NUSAP1: variants seen among roughly 807,000 people sequenced by gnomAD.
NUSAP1 encodes nucleolar and spindle-associated protein 1.
NUSAP1 carries 32 observed loss-of-function variants against 52.8 expected under a neutral mutation model. The ratio of observed to expected loss-of-function variants is 0.61; its 90% CI spans 0.46 to 0.81. The LOEUF (loss-of-function observed/expected upper bound fraction) is 0.81, where lower values mean the gene tolerates loss of function less well. NUSAP1 is among the 40% of genes least tolerant of loss of function. NUSAP1 has a pLI of 0.00. For missense variants in NUSAP1, 499 were observed against 522.3 expected, an observed-to-expected ratio of 0.96 and a Z score of 0.43; for synonymous variants, 195 against 183.1, an observed-to-expected ratio of 1.06 and a Z score of -0.52.
intron 1 of NUSAP1, among the ~76,000 whole-genome samples, chr15:41,335,299 TAA>T (rs1471843907): frequency 6.9e-6 from 1 of 145,620 alleles, no homozygotes; most frequent in Non-Finnish European, 1.5e-5. Context: ...TATAAATATA[TAA>T]TATATATACT....
intron 7 of NUSAP1, among the ~76,000 whole-genome samples, chr15:41,370,077 GAAGA>G (rs1298287695): frequency 2.0e-5 from 3 of 148,712 alleles, no homozygotes; most frequent in African/African-American, 5.0e-5. Flanking sequence ...TCCAAAAAAA[GAAGA>G]AAGAAAGAAA....
At chr15:41,335,172 T>G (rs1274167774) in intron 1 of NUSAP1, among the ~76,000 whole-genome samples, 1 of 150,826 alleles carries the variant, frequency 6.6e-6, no homozygotes, top group African/African-American at 2.4e-5. Flanking sequence ...TTATCAAGAT[T>G]TGATTAAAAT....
At chr15:41,378,497 T>C (rs2140884662) in intron 10 of NUSAP1, among the ~76,000 whole-genome samples, 1 of 152,244 alleles carries the variant, frequency 6.6e-6, no homozygotes, top group African/African-American at 2.4e-5. Context: ...CTCACCGTTA[T>C]TAAGTTGGCC....
At chr15:41,359,532 A>G (rs2049088840) in intron 6 of NUSAP1, among the ~76,000 whole-genome samples, 1 of 152,198 alleles carries the variant, frequency 6.6e-6, no homozygotes, top group African/African-American at 2.4e-5. Flanking sequence ...AATTGTAAAT[A>G]ATTTAAGTAC....
Position 41,356,165 on chromosome 15 carries a change from A to AT in NUSAP1, c.550+26dup, listed in dbSNP as rs1567055890. ...AGTAAGTTTTGTAGACAAAGCCATA[A>AT]TAAGTAATGGTTGCCCCACTTCGGA... is the stretch of plus-strand genomic sequence containing the variant. On this transcript the variant is annotated intron_variant, in intron 5 of 10. Transcript: ENST00000559596. 5 of 1,335,734 alleles carry AT rather than the reference A, an allele frequency of 3.7e-6. No homozygotes were observed. The Admixed American group carries it at 5.5e-5, about 15-fold the overall frequency. The allele number at this position is 1,335,734 out of a possible 1,614,324, so 82.7% of individuals were successfully genotyped here.
At position 41,365,398 on chromosome 15, in the gene NUSAP1, TCAG is replaced by T; in HGVS notation, c.665_667del. 1 of 1,598,492 alleles carries T rather than the reference TCAG, an allele frequency of 6.3e-7. No individual in the cohort carries two copies. Among genetic ancestry groups the T allele is most frequent in the Non-Finnish European group, 8.5e-7 (1 of 1,170,318 alleles). On this transcript the variant is annotated splice_acceptor_variant and splice_polypyrimidine_tract_variant and intron_variant, in intron 6 of 10. Transcript: ENST00000559596. LOFTEE classifies it high-confidence loss of function. ...GCTTTTAAAATGATGCATTTTCTCT[TCAG>T]CAGCAGCCCATCAATAAGGGAGGGG...
intron 4 of NUSAP1, among the ~76,000 whole-genome samples, chr15:41,354,835 G>A (rs1595560588): frequency 6.6e-6 from 1 of 151,040 alleles, no homozygotes; most frequent in African/African-American, 2.4e-5. Context: ...TGGCTAACAC[G>A]GTGAAACCCT....
At chr15:41,361,119 C>A (rs1012445149) in intron 6 of NUSAP1, among the ~76,000 whole-genome samples, 1 of 149,788 alleles carries the variant, frequency 6.7e-6, no homozygotes, top group Admixed American at 6.7e-5. Flanking sequence ...TAGGCCAGGG[C>A]GTGGTGGCTC....
chr15:41,355,781 A>G (rs1403156445), intron 4 of NUSAP1, among the ~76,000 whole-genome samples: 1 of 151,454 alleles, frequency 6.6e-6, no homozygotes, highest in African/African-American at 2.4e-5. Context: ...GGTTCACACC[A>G]TTCTCCTGCC....
intron 10 of NUSAP1, among the ~76,000 whole-genome samples, chr15:41,379,576 A>C (rs183682013): frequency 9.4e-4 from 143 of 152,134 alleles, no homozygotes; most frequent in African/African-American, 3.4e-3. Flanking sequence ...AGACAGTCTC[A>C]TTCTGTCGCC....
chr15:41,354,872 T>A (rs1012020722), intron 4 of NUSAP1, among the ~76,000 whole-genome samples: 2 of 150,682 alleles, frequency 1.3e-5, no homozygotes, highest in Non-Finnish European at 3.0e-5. Context: ...CAAAAAAAAT[T>A]AGCCGGGTGT....
Position 41,365,447 on chromosome 15 carries a change from A to C in NUSAP1, c.706A>C (p.Arg236=). 1 of 1,613,130 alleles carries C rather than the reference A, an allele frequency of 6.2e-7. No individual in the cohort carries two copies. The highest frequency in any genetic ancestry group is 8.5e-7 in the Non-Finnish European group (1 of 1,179,498). Residue 236 remains arginine, a synonymous_variant, in exon 7 of 11, where the codon AGA becomes CGA. Coordinates refer to ENST00000559596, the MANE Select transcript of NUSAP1 (RefSeq NM_016359.5). ...KGGVRTPVPP[R]GRLSVASTPI... is the part of the protein sequence containing the mutation. Reference sequence around the variant, plus strand: ...AGGGGTCAGGACTCCAGTACCTCCAAGAGGAAGACTCTCTGTGGCTTCTAC... The same window carrying C: ...AGGGGTCAGGACTCCAGTACCTCCACGAGGAAGACTCTCTGTGGCTTCTAC...
At chr15:41,352,517 G>T (rs2048814070) in intron 4 of NUSAP1, among the ~76,000 whole-genome samples, 1 of 151,954 alleles carries the variant, frequency 6.6e-6, no homozygotes. Flanking sequence ...AGGATTCCTT[G>T]GGTCTGAGAT....
intron 1 of NUSAP1, among the ~76,000 whole-genome samples, chr15:41,337,285 C>G (rs914867612): frequency 5.3e-5 from 8 of 152,312 alleles, no homozygotes; most frequent in Admixed American, 2.0e-4. Flanking sequence ...TCCCAAAGTG[C>G]TGGGATTACA....
At chr15:41,343,284 A>G (rs2048429270) in intron 2 of NUSAP1, 1 of 152,234 alleles carries the variant, frequency 6.6e-6, no homozygotes, top group African/African-American at 2.4e-5. Flanking sequence ...ACCCACAGCA[A>G]AGATTTTTGA....
At chr15:41,372,378 G>A (rs894425323) in intron 8 of NUSAP1, among the ~76,000 whole-genome samples, 16 of 152,098 alleles carry the variant, frequency 1.1e-4, no homozygotes, top group South Asian at 2.1e-4. Flanking sequence ...ATGTTGACTC[G>A]TTTTCACAGT....
At chr15:41,359,896 G>C (rs1286694321) in intron 6 of NUSAP1, among the ~76,000 whole-genome samples, 1 of 151,510 alleles carries the variant, frequency 6.6e-6, no homozygotes, top group Non-Finnish European at 1.5e-5. Context: ...CAAAGTGCTG[G>C]TATTACATGC....
At chr15:41,373,874 T>C (rs2049815204) in intron 8 of NUSAP1, among the ~76,000 whole-genome samples, 1 of 152,068 alleles carries the variant, frequency 6.6e-6, no homozygotes, top group Admixed American at 6.6e-5. Context: ...ATCAGGGAAA[T>C]AAGCTGAAAA....
chr15:41,377,401 G>A (rs1221269002), intron 10 of NUSAP1, 97 bp downstream of exon 10: 1 of 641,562 alleles, frequency 1.6e-6, no homozygotes, highest in Non-Finnish European at 2.6e-6. Flanking sequence ...TTAAGAGGAG[G>A]TTAGAAGTGG....
Sources: allele counts gnomAD v4.1 joint callset (sites outside exome capture counted in the v4.1 genomes callset), GRCh38; gene constraint gnomAD v4.1.1; transcripts MANE v1.5; gene names NCBI Gene and HGNC (gene_info 2026-07-23, HGNC 2026-07-21).